The following PDXDC1 variants were observed in gnomAD, a reference collection of about 807,000 sequenced individuals.
The protein encoded by PDXDC1 is pyridoxal dependent decarboxylase domain containing 1, also known as pyridoxal-dependent decarboxylase domain-containing protein 1.
In PDXDC1, 42 loss-of-function variants were observed where a neutral mutation model predicts 100.1. That is an observed-to-expected ratio of 0.42 (90% CI 0.33 to 0.54). PDXDC1 has a LOEUF of 0.54. Among genes scored for constraint, PDXDC1 ranks in the 20% least tolerant of loss-of-function variants. The pLI is 0.10. For missense variants in PDXDC1, 636 were observed against 979.2 expected, an observed-to-expected ratio of 0.65 and a Z score of 4.68; for synonymous variants, 260 against 371.7, an observed-to-expected ratio of 0.70 and a Z score of 3.46.
chr16:15,086,086 A>C (rs2045905906), intron 16 of PDXDC1: 1 of 1,563,910 alleles, frequency 6.4e-7, no homozygotes, highest in East Asian at 2.4e-5. Flanking sequence ...TATTTTAATA[A>C]AGAAGTATTA....
downstream of PDXDC1, among the ~76,000 whole-genome samples, chr16:15,142,298 C>T (rs565167936): frequency 9.2e-5 from 14 of 152,208 alleles, no homozygotes; most frequent in East Asian, 2.7e-3. Context: ...GACACTTCTT[C>T]CATGCCAGCA....
At chr16:15,030,156 C>A in intron 16 of PDXDC1, 100 bp downstream of exon 16, 2 of 999,502 alleles carry the variant, frequency 2.0e-6, no homozygotes, top group East Asian at 5.4e-5. Flanking sequence ...TTATTAGCAG[C>A]TCTTTTTGGA....
At chr16:15,068,116 C>G in intron 16 of PDXDC1, 1 of 1,496,738 alleles carries the variant, frequency 6.7e-7, no homozygotes. Context: ...ACTAGATAAA[C>G]ATAAATAAAA....
the PDXDC1 span, among the ~76,000 whole-genome samples, chr16:15,147,270 C>T: frequency 6.6e-6 from 1 of 152,214 alleles, no homozygotes; most frequent in Non-Finnish European, 1.5e-5. Context: ...GGAAGCGCCA[C>T]TGCCACCTCT....
At chr16:15,028,355 T>G (rs2042786075) in intron 14 of PDXDC1, among the ~76,000 whole-genome samples, 1 of 152,296 alleles carries the variant, frequency 6.6e-6, no homozygotes. Context: ...CTGAGGGGAC[T>G]CCATCATTTT....
At position 14,997,738 on chromosome 16, in the gene PDXDC1, T is replaced by TA. The variant is rs570718440; in HGVS notation, c.22-15_22-14insA. The stretch of plus-strand genomic sequence containing the variant: ...GGATTATTAAAATTTCTTTCTTTTT[T>TA]TTTTTGTTTCCCAGATAGCAGACCC... On this transcript the variant is annotated splice_polypyrimidine_tract_variant and intron_variant, in intron 1 of 22. Transcript: ENST00000396410. 1 of 1,596,976 alleles carries TA rather than the reference T, an allele frequency of 6.3e-7. No homozygotes were observed. Among genetic ancestry groups the TA allele is most frequent in the Non-Finnish European group, 8.5e-7 (1 of 1,175,826 alleles).
At chr16:15,074,775 G>A (rs751183013) in intron 16 of PDXDC1, 3 of 1,614,100 alleles carry the variant, frequency 1.9e-6, no homozygotes, top group Non-Finnish European at 2.5e-6. Flanking sequence ...ACATCAGGAT[G>A]TCCAGGCGCT....
intron 8 of PDXDC1, among the ~76,000 whole-genome samples, chr16:15,012,022 G>A (rs2041343508): frequency 1.3e-5 from 2 of 152,260 alleles, no homozygotes; most frequent in South Asian, 2.1e-4. Context: ...TTCCCCAGAA[G>A]CTACAAAACA....
rs1431809485 is a variant in PDXDC1 at position 15,081,669 on chromosome 16, G to A, written c.1399+51613G>A. Among the ~76,000 whole-genome samples the A allele has an allele frequency of 4.6e-5, 7 of 152,100 alleles. No homozygotes were observed. The South Asian group carries it at 6.2e-4, about 14-fold the overall frequency. On this transcript the variant is annotated intron_variant, in intron 16 of 16. Coordinates refer to the PDXDC1 transcript ENST00000535621. ...AAGATGTCCTATGAAGCATAACAAC[G>A]TTTAATTTTGAAGTACAATTGATGC...
chr16:15,003,814 C>G (rs1973692823), intron 4 of PDXDC1, among the ~76,000 whole-genome samples: 2 of 152,168 alleles, frequency 1.3e-5, no homozygotes, highest in African/African-American at 2.4e-5. Context: ...GAAACCCCGT[C>G]TCTACTAAAA....
chr16:15,016,308 A>G (rs1367995299), intron 9 of PDXDC1, 95 bp downstream of exon 9: 1 of 1,547,294 alleles, frequency 6.5e-7, no homozygotes, highest in African/African-American at 1.4e-5. Context: ...GACATTTATC[A>G]CGAAGGGCTC....
At chr16:15,051,567 G>C (rs762820842) in intron 16 of PDXDC1, among the ~76,000 whole-genome samples, 1 of 151,980 alleles carries the variant, frequency 6.6e-6, no homozygotes, top group African/African-American at 2.4e-5. Flanking sequence ...GGCTGGTCTC[G>C]AACTCCTGGC....
At position 15,051,662 on chromosome 16, in the gene PDXDC1, C is replaced by T. The variant is rs574154300; in HGVS notation, c.1399+21606C>T. Reference sequence around the variant, plus strand: ...ACCACACTTGTGCTAGGATTATAGGCATGAGCCACTGTGCCCAGCCTCTAC... The same window carrying T: ...ACCACACTTGTGCTAGGATTATAGGTATGAGCCACTGTGCCCAGCCTCTAC... On this transcript the variant is annotated intron_variant, in intron 16 of 16. Coordinates refer to the PDXDC1 transcript ENST00000535621. Among the ~76,000 whole-genome samples the T allele has an allele frequency of 2.1e-5, 3 of 145,570 alleles. No homozygotes were observed. The South Asian group carries it at 6.6e-4, about 32-fold the overall frequency.
At chr16:15,078,723 G>GT (rs1389491862) in intron 16 of PDXDC1, among the ~76,000 whole-genome samples, 3 of 151,760 alleles carry the variant, frequency 2.0e-5, no homozygotes, top group Non-Finnish European at 4.4e-5. Context: ...ACGACTGCCT[G>GT]TGAGTATTCT....
chr16:15,054,196 C>A (rs1420076873), intron 16 of PDXDC1, among the ~76,000 whole-genome samples: 1 of 152,232 alleles, frequency 6.6e-6, no homozygotes, highest in Non-Finnish European at 1.5e-5. Context: ...AAATCTCTCT[C>A]GTGCCTGCAT....
rs555383362 is a variant in PDXDC1 at position 14,975,054 on chromosome 16, G to T, written c.-146G>T. 2.6e-6 allele frequency: 4 copies of T among 1,513,208 alleles called. No individual in the cohort carries two copies. Among genetic ancestry groups the T allele is most frequent in the Non-Finnish European group, 1.8e-6 (2 of 1,138,806 alleles). 93.7% of individuals were successfully genotyped at this position (1,513,208 alleles called of 1,614,324 possible). A position where few individuals can be genotyped will look rare whatever the true frequency, so the allele number is the denominator to read the frequency against. On this transcript the variant is annotated 5_prime_UTR_variant, in exon 1 of 23. Transcript: ENST00000396410. ...TCAACCATCAGGTTCGGCAGCCCGCGGCGCCGCCTGGCAGCTCCTCCTCTT... is the reference window on the plus strand; with the variant it reads ...TCAACCATCAGGTTCGGCAGCCCGCTGCGCCGCCTGGCAGCTCCTCCTCTT...
At chr16:15,073,478 C>T (rs1163372872) in intron 16 of PDXDC1, among the ~76,000 whole-genome samples, 2 of 152,098 alleles carry the variant, frequency 1.3e-5, no homozygotes, top group African/African-American at 4.8e-5. Flanking sequence ...GAAAGACAGA[C>T]ATTATCCATT....
intron 16 of PDXDC1, among the ~76,000 whole-genome samples, chr16:15,092,862 T>C (rs2046192067): frequency 1.3e-5 from 2 of 152,320 alleles, no homozygotes; most frequent in South Asian, 4.1e-4. Flanking sequence ...ATCTGGCCCC[T>C]GCCTACCTCT....
At chr16:15,149,134 A>T in the PDXDC1 span, among the ~76,000 whole-genome samples, 7 of 152,174 alleles carry the variant, frequency 4.6e-5, no homozygotes, top group South Asian at 1.5e-3. Flanking sequence ...GGCCTCTCCT[A>T]GGCTCTCCTG....
Sources: gnomAD v4.1 joint callset for allele counts (sites outside exome capture counted in the v4.1 genomes callset) on GRCh38, gnomAD v4.1.1 for gene constraint, MANE v1.5 for transcripts, NCBI Gene and HGNC (gene_info 2026-07-23, HGNC 2026-07-21) for gene names.